The following BLCAP variants were observed in gnomAD, a reference collection of about 807,000 sequenced individuals.
BLCAP encodes the protein BLCAP apoptosis inducing factor.
Under a neutral mutation model 5.7 loss-of-function variants are expected in BLCAP, and 1 was observed. The ratio of observed to expected loss-of-function variants is 0.18; its 90% CI spans 0.06 to 0.83. The LOEUF (loss-of-function observed/expected upper bound fraction) is 0.83, where lower values mean the gene tolerates loss of function less well. Among genes scored for constraint, BLCAP ranks in the 40% least tolerant of loss-of-function variants. The pLI is 0.71. For missense variants in BLCAP, 66 were observed against 107.6 expected, an observed-to-expected ratio of 0.61 and a Z score of 1.71; for synonymous variants, 48 against 49.4, an observed-to-expected ratio of 0.97 and a Z score of 0.11.
chr20:37,519,011 A>C lies in BLCAP; in HGVS notation c.164T>G (p.Phe55Cys). ...TCCCCAGCAGCTATAGCAGATAAGG[A>C]ACAGGGCTGCCAGGAAAACCAAGGC... ...ICALVFLAAL[F>C]LICYSCWGNC... Residue 55 changes from phenylalanine to cysteine, a missense_variant, in exon 2 of 2, where the codon TTC (phenylalanine) becomes TGC (cysteine). By Grantham distance (205) the Phe-to-Cys change is radical. Transcript: ENST00000373537. 6.2e-7 allele frequency: 1 copy of C among 1,614,220 alleles called. No individual in the cohort carries two copies. The highest frequency in any genetic ancestry group is 8.5e-7 in the Non-Finnish European group (1 of 1,180,036).
chr20:37,522,428 C>A (rs952227991), intron 1 of BLCAP: 17 of 1,613,686 alleles, frequency 1.1e-5, no homozygotes, highest in East Asian at 2.2e-5. Flanking sequence ...CAGCCCATTG[C>A]GAGAAGTGAG....
At chr20:37,520,377 C>T (rs757981201) in intron 1 of BLCAP, 1 of 152,256 alleles carries the variant, frequency 6.6e-6, no homozygotes, top group African/African-American at 2.4e-5. Context: ...TAACCCCGTT[C>T]GGTGATCCAG....
At position 37,521,288 on chromosome 20, in the gene BLCAP, G is replaced by T. The variant is rs562077608; in HGVS notation, c.-176-1938C>A. On this transcript the variant is annotated intron_variant, in intron 1 of 1. Transcript: ENST00000373537. This position sits in a 1 kb window ranked among gnomAD's most constrained non-coding sequence, Gnocchi z 4.5. Reference sequence around the variant, plus strand: ...GCGGACTCCGAGACCAGCGGATCTCGGCAAACCCTCTTTCTCGACCACCCA... The same window carrying T: ...GCGGACTCCGAGACCAGCGGATCTCTGCAAACCCTCTTTCTCGACCACCCA... 6.2e-7 allele frequency: 1 copy of T among 1,605,484 alleles called. No homozygotes were observed. The highest frequency in any genetic ancestry group is 8.5e-7 in the Non-Finnish European group (1 of 1,172,346).
intron 1 of BLCAP, chr20:37,526,865 T>C (rs1031664919): frequency 6.6e-6 from 1 of 152,158 alleles, no homozygotes; most frequent in Non-Finnish European, 1.5e-5. Flanking sequence ...AGCTGGAACT[T>C]TTTTTTGGTC....
chr20:37,520,955 C>T (rs1395123950), intron 1 of BLCAP, among the ~76,000 whole-genome samples: 1 of 152,216 alleles, frequency 6.6e-6, no homozygotes, highest in South Asian at 2.1e-4. Context: ...GGGAGAAGGG[C>T]GCCACACTAA....
intron 1 of BLCAP, among the ~76,000 whole-genome samples, chr20:37,520,907 C>T (rs1217176316): frequency 1.3e-5 from 2 of 152,104 alleles, no homozygotes; most frequent in African/African-American, 4.8e-5. Flanking sequence ...TTTGGAGTGG[C>T]ACCGGAGACT....
intron 1 of BLCAP, chr20:37,523,725 A>T (rs972435943): frequency 9.2e-5 from 14 of 152,580 alleles, no homozygotes; most frequent in African/African-American, 3.1e-4. Flanking sequence ...CGGCATCAAC[A>T]TACACTTCTA....
At chr20:37,527,350 TCCC>T (rs1012038669) in intron 1 of BLCAP, among the ~76,000 whole-genome samples, 4 of 67,256 alleles carry the variant, frequency 5.9e-5, no homozygotes, top group Admixed American at 3.2e-4. Context: ...CACCCCCACG[TCCC>T]CCCACCTCCC....
rs1261213727 is a variant in BLCAP, at chr20:37,521,345, C to T, written c.-176-1995G>A. The stretch of plus-strand genomic sequence containing the variant: ...ATTCTTGGAACCATGGCGGCAGTGG[C>T]GGCGGCCTCGGCTGAACTGCTCATC... On this transcript the variant is annotated intron_variant, in intron 1 of 1. Coordinates refer to ENST00000373537, the MANE Select transcript of BLCAP (RefSeq NM_006698.4). This position sits in a 1 kb window ranked among gnomAD's most constrained non-coding sequence, Gnocchi z 4.5. The T allele has an allele frequency of 1.9e-6, 3 of 1,614,034 alleles. No individual in the cohort carries two copies. The highest frequency in any genetic ancestry group is 1.1e-5 in the South Asian group (1 of 91,078).
chr20:37,517,585 C>T lies in BLCAP; in HGVS notation c.*1326G>A, dbSNP rs2071426307. 1 of 152,450 alleles carries T rather than the reference C, an allele frequency of 6.6e-6. No individual in the cohort carries two copies. Among genetic ancestry groups the T allele is most frequent in the Non-Finnish European group, 1.5e-5 (1 of 68,046 alleles). 9.4% of individuals were successfully genotyped at this position (152,450 alleles called of 1,614,324 possible). On this transcript the variant is annotated 3_prime_UTR_variant, in exon 2 of 2. Coordinates refer to ENST00000373537, the MANE Select transcript of BLCAP (RefSeq NM_006698.4). Reference sequence around the variant, plus strand: ...TCTGCCTGGCCCATCTCTCTTTCCCCTCAGGCAAGAGAGAGATGGATGGAT... The same window carrying T: ...TCTGCCTGGCCCATCTCTCTTTCCCTTCAGGCAAGAGAGAGATGGATGGAT...
At chr20:37,525,208 CAT>C (rs2071698308) in intron 1 of BLCAP, among the ~76,000 whole-genome samples, 1 of 152,188 alleles carries the variant, frequency 6.6e-6, no homozygotes, top group Non-Finnish European at 1.5e-5. Flanking sequence ...AACATACCAA[CAT>C]GTGTTCTCCA....
rs752488127 is a variant in BLCAP at position 37,518,898 on chromosome 20, A to T, written c.*13T>A. ...CGTCTTCTGCTTCCTTGGAAAGCTA[A>T]CAGGGCAGGCCGTTAGGTGCCCACA... On this transcript the variant is annotated 3_prime_UTR_variant, in exon 2 of 2. Transcript: ENST00000373537. The T allele has an allele frequency of 1.2e-6, 2 of 1,613,326 alleles. No homozygotes were observed. The highest frequency in any genetic ancestry group is 3.3e-5 in the Admixed American group (2 of 60,018).
chr20:37,522,131 A>C (rs1422495246), intron 1 of BLCAP, among the ~76,000 whole-genome samples: 2 of 151,118 alleles, frequency 1.3e-5, no homozygotes, highest in African/African-American at 2.4e-5. Flanking sequence ...CCCTCGAGAG[A>C]AAAATAGAAG....
At position 37,521,611 on chromosome 20, in the gene BLCAP, G is replaced by A. The variant is rs1242071208; in HGVS notation, c.-176-2261C>T. On this transcript the variant is annotated intron_variant, in intron 1 of 1. Transcript: ENST00000373537. The surrounding 1 kb of genome is among the most constrained non-coding windows in gnomAD (Gnocchi z 4.5). ...CGCTGACCCTCCCTAGTGCGCCCGC[G>A]CCTGCCAGGGAACAAAGACTCGGGG... The A allele has an allele frequency of 1.8e-5, 10 of 568,524 alleles. No homozygotes were observed. In the East Asian group the frequency reaches 2.7e-4, roughly 16 times the overall value. 35.2% of individuals were successfully genotyped at this position (568,524 alleles called of 1,614,324 possible). A position where few individuals can be genotyped will look rare whatever the true frequency, so the allele number is the denominator to read the frequency against.
At chr20:37,523,094 A>C (rs1334576161) in intron 1 of BLCAP, 8 of 261,596 alleles carry the variant, frequency 3.1e-5, no homozygotes, top group African/African-American at 8.9e-5. Context: ...CCAGCCCCGA[A>C]GCCAGGGCCA....
intron 1 of BLCAP, among the ~76,000 whole-genome samples, chr20:37,526,025 C>T (rs2071712389): frequency 6.6e-6 from 1 of 152,116 alleles, no homozygotes; most frequent in Non-Finnish European, 1.5e-5. Flanking sequence ...GGTACCATGA[C>T]TTTTAGGGGT....
Position 37,518,574 on chromosome 20 carries a change from T to G in BLCAP, c.*337A>C. The G allele has an allele frequency of 4.1e-6, 1 of 243,794 alleles. No individual in the cohort carries two copies. Among genetic ancestry groups the G allele is most frequent in the Non-Finnish European group, 8.1e-6 (1 of 124,044 alleles). The allele number at this position is 243,794 out of a possible 1,614,324, so 15.1% of individuals were successfully genotyped here. A position where few individuals can be genotyped will look rare whatever the true frequency, so the allele number is the denominator to read the frequency against. On this transcript the variant is annotated 3_prime_UTR_variant, in exon 2 of 2. Coordinates refer to ENST00000373537, the MANE Select transcript of BLCAP (RefSeq NM_006698.4). ...CAGAGGTGACAATGAGACTGGCATTTTATCTGCCCCAGGTCACATTGGGGC... is the reference window on the plus strand; with the variant it reads ...CAGAGGTGACAATGAGACTGGCATTGTATCTGCCCCAGGTCACATTGGGGC...
chr20:37,526,271 T>TA, intron 1 of BLCAP, among the ~76,000 whole-genome samples: 2 of 125,294 alleles, frequency 1.6e-5, no homozygotes, highest in East Asian at 2.5e-4. Context: ...GCAGTTAACT[T>TA]CCCCCCCCCA....
intron 1 of BLCAP, chr20:37,522,775 C>T: frequency 6.3e-7 from 1 of 1,576,924 alleles, no homozygotes; most frequent in Non-Finnish European, 8.6e-7. Flanking sequence ...CAGCTCCCAG[C>T]CCTGGGCGGC....
Sources: gnomAD v4.1 joint callset for allele counts (sites outside exome capture counted in the v4.1 genomes callset) on GRCh38, gnomAD v4.1.1 for gene constraint, Gnocchi (gnomAD v3.1) non-coding constraint, MANE v1.5 for transcripts, NCBI Gene and HGNC (gene_info 2026-07-23, HGNC 2026-07-21) for gene names.